Variants in SPOCK3 observed in about 807,000 individuals in gnomAD.
SPOCK3 encodes SPARC (osteonectin), cwcv and kazal like domains proteoglycan 3.
Under a neutral mutation model 56.6 loss-of-function variants are expected in SPOCK3, and 30 were observed. The observed-to-expected ratio is 0.53, with a 90% CI of 0.40 to 0.72. The LOEUF (loss-of-function observed/expected upper bound fraction) is 0.72, where lower values mean the gene tolerates loss of function less well. Ranked by LOEUF, SPOCK3 falls within the 30% of genes least tolerant of loss-of-function variation. SPOCK3 has a pLI of 0.00. For missense variants in SPOCK3, 527 were observed against 530.0 expected, an observed-to-expected ratio of 0.99 and a Z score of 0.06; for synonymous variants, 196 against 183.3, an observed-to-expected ratio of 1.07 and a Z score of -0.56.
At chr4:166,762,118 TA>T (rs2126512432) in intron 7 of SPOCK3, among the ~76,000 whole-genome samples, 1 of 152,192 alleles carries the variant, frequency 6.6e-6, no homozygotes, top group East Asian at 1.9e-4. Context: ...AATTCTCTTG[TA>T]AAATTGTTTA....
At chr4:166,934,873 CT>C (rs1244689624) in intron 4 of SPOCK3, among the ~76,000 whole-genome samples, 5 of 151,172 alleles carry the variant, frequency 3.3e-5, no homozygotes, top group African/African-American at 4.9e-5. Flanking sequence ...TTGTGTTGCA[CT>C]TTTATATAGA....
chr4:167,036,456 C>T (rs1013695415), intron 3 of SPOCK3, among the ~76,000 whole-genome samples: 19 of 152,070 alleles, frequency 1.2e-4, no homozygotes, highest in African/African-American at 3.4e-4. Context: ...TACTGTAAGC[C>T]GGGTGCAGAA....
chr4:167,108,969 A>ATATAAT (rs1760446332), intron 2 of SPOCK3, among the ~76,000 whole-genome samples: 1 of 78,252 alleles, frequency 1.3e-5, no homozygotes, highest in Admixed American at 2.0e-4. Context: ...ATATATAAAT[A>ATATAAT]TATAAATATT....
intron 4 of SPOCK3, among the ~76,000 whole-genome samples, chr4:166,976,323 C>A (rs1745941134): frequency 6.6e-6 from 1 of 152,144 alleles, no homozygotes; most frequent in Non-Finnish European, 1.5e-5. Context: ...TTACTTCCTG[C>A]ACTGCTATCA....
At chr4:167,117,745 G>A (rs1174344259) in intron 2 of SPOCK3, among the ~76,000 whole-genome samples, 2 of 152,152 alleles carry the variant, frequency 1.3e-5, no homozygotes, top group Non-Finnish European at 2.9e-5. Context: ...AGAACTGATG[G>A]TTAGGCTGCA....
rs1764553837 is a variant in SPOCK3, at chr4:167,153,202, T to C, written c.189+80783A>G. Among the ~76,000 whole-genome samples, 4 of 152,298 alleles carry C rather than the reference T, an allele frequency of 2.6e-5. No homozygotes were observed. In the South Asian group the frequency reaches 8.3e-4, roughly 32 times the overall value. On this transcript the variant is annotated intron_variant, in intron 2 of 10. Transcript: ENST00000357545. ...GATTGGGCTTTGACTGAATTACAGA[T>C]CATCTGCAGATCATCTAATGCTCTT...
intron 6 of SPOCK3, among the ~76,000 whole-genome samples, chr4:166,811,523 T>C (rs1464188230): frequency 1.3e-5 from 2 of 151,866 alleles, no homozygotes; most frequent in Non-Finnish European, 2.9e-5. Flanking sequence ...TTTAGTATCA[T>C]CTTTGATATT....
intron 4 of SPOCK3, among the ~76,000 whole-genome samples, chr4:166,957,689 C>A (rs1479629782): frequency 6.6e-6 from 1 of 152,192 alleles, no homozygotes; most frequent in Non-Finnish European, 1.5e-5. Context: ...GACATGGAAT[C>A]AAAGGAGATT....
At chr4:167,020,369 C>A (rs1751052390) in intron 3 of SPOCK3, among the ~76,000 whole-genome samples, 1 of 152,040 alleles carries the variant, frequency 6.6e-6, no homozygotes, top group Non-Finnish European at 1.5e-5. Flanking sequence ...TTCAAAGTTT[C>A]TCTATTGCTT....
At chr4:167,066,566 A>G (rs546468839) in intron 2 of SPOCK3, among the ~76,000 whole-genome samples, 86 of 152,058 alleles carry the variant, frequency 5.7e-4, no homozygotes, top group African/African-American at 2.0e-3. Flanking sequence ...TCAATTTTAA[A>G]TGCAGATTTT....
At chr4:167,056,197 C>G (rs1391438778) in intron 3 of SPOCK3, among the ~76,000 whole-genome samples, 1 of 152,206 alleles carries the variant, frequency 6.6e-6, no homozygotes, top group Non-Finnish European at 1.5e-5. Context: ...CAAACGGGGT[C>G]TGGAGTGGAC....
At chr4:167,216,588 A>C (rs1277118148) in intron 2 of SPOCK3, among the ~76,000 whole-genome samples, 1 of 152,088 alleles carries the variant, frequency 6.6e-6, no homozygotes. Flanking sequence ...GGAGGAAGAC[A>C]AGAGTCCAAG....
chr4:166,826,069 G>A (rs947645290), intron 6 of SPOCK3, among the ~76,000 whole-genome samples: 1 of 152,066 alleles, frequency 6.6e-6, no homozygotes, highest in Non-Finnish European at 1.5e-5. Context: ...TAATATAGTA[G>A]AGTTGTAAGA....
At chr4:166,855,948 C>G (rs1560937346) in intron 6 of SPOCK3, among the ~76,000 whole-genome samples, 1 of 152,076 alleles carries the variant, frequency 6.6e-6, no homozygotes, top group East Asian at 1.9e-4. Context: ...AGTTTACATT[C>G]TAGTGGAAGA....
intron 4 of SPOCK3, among the ~76,000 whole-genome samples, chr4:166,976,251 T>A (rs1023179906): frequency 1.3e-5 from 2 of 152,202 alleles, no homozygotes; most frequent in Non-Finnish European, 2.9e-5. Flanking sequence ...TTCTCCTCTC[T>A]AACTTGTTAT....
intron 2 of SPOCK3, among the ~76,000 whole-genome samples, chr4:167,205,356 ATATATTATATATTT>A (rs1734054673): frequency 2.5e-5 from 1 of 39,350 alleles, no homozygotes; most frequent in African/African-American, 1.4e-4. Flanking sequence ...TATATAATAT[ATATATTATATATTT>A]TATATATATA....
intron 7 of SPOCK3, among the ~76,000 whole-genome samples, chr4:166,769,532 G>A (rs1738635471): frequency 6.6e-6 from 1 of 152,174 alleles, no homozygotes; most frequent in Non-Finnish European, 1.5e-5. Context: ...GTTCCTGCCT[G>A]ATCGTTCCTC....
chr4:166,741,671 A>G (rs1205367659), intron 9 of SPOCK3, among the ~76,000 whole-genome samples: 1 of 152,188 alleles, frequency 6.6e-6, no homozygotes, highest in Non-Finnish European at 1.5e-5. Flanking sequence ...ACATATATAT[A>G]TATTTGCCAT....
At chr4:167,098,852 C>T (rs963009135) in intron 2 of SPOCK3, among the ~76,000 whole-genome samples, 1 of 152,026 alleles carries the variant, frequency 6.6e-6, no homozygotes, top group South Asian at 2.1e-4. Context: ...AAAGCCTCTC[C>T]AGATTCCCCA....
Sources: gnomAD v4.1 joint callset for allele counts (sites outside exome capture counted in the v4.1 genomes callset) on GRCh38, gnomAD v4.1.1 for gene constraint, MANE v1.5 for transcripts, NCBI Gene and HGNC (gene_info 2026-07-23, HGNC 2026-07-21) for gene names.